Variants in FAM227B observed in about 807,000 individuals in gnomAD.
FAM227B encodes the protein family with sequence similarity 227 member B, also known as protein FAM227B.
In FAM227B, 88 loss-of-function variants were observed where a neutral mutation model predicts 73.8. That is an observed-to-expected ratio of 1.19 (90% CI 1.00 to 1.42). FAM227B has a LOEUF of 1.42. Among genes scored for constraint, FAM227B ranks in the 40% most tolerant of loss-of-function variants. The pLI is 0.00. For synonymous variants in FAM227B, 210 were observed against 190.5 expected (o/e 1.10, Z -0.84); for missense variants, 632 against 590.9 (o/e 1.07, Z -0.72).
chr15:49,476,217 G>T (rs55680283), intron 11 of FAM227B, among the ~76,000 whole-genome samples: 13,771 of 93,562 alleles, frequency 0.15, 1,639 homozygotes, highest in Non-Finnish European at 0.22. Context: ...TTGCTGTTTT[G>T]TTTTTTTGTT....
At chr15:49,369,402 T>C (rs1047887948) in intron 12 of FAM227B, among the ~76,000 whole-genome samples, 3 of 152,156 alleles carry the variant, frequency 2.0e-5, no homozygotes, top group African/African-American at 7.2e-5. Flanking sequence ...GTCAGAGCAC[T>C]TTAAGATTCC....
chr15:49,376,929 A>G (rs1359867888), intron 11 of FAM227B, among the ~76,000 whole-genome samples: 2 of 152,022 alleles, frequency 1.3e-5, no homozygotes, highest in African/African-American at 4.8e-5. Flanking sequence ...ATTATTGACT[A>G]TAGTCACCCT....
At chr15:49,427,177 T>A (rs1216869058) in intron 11 of FAM227B, among the ~76,000 whole-genome samples, 2 of 152,028 alleles carry the variant, frequency 1.3e-5, no homozygotes, top group Admixed American at 1.3e-4. Flanking sequence ...TTGACACATG[T>A]GAAGTTGAAG....
chr15:49,422,185 C>CAA (rs2049738633), intron 11 of FAM227B, among the ~76,000 whole-genome samples: 1 of 144,668 alleles, frequency 6.9e-6, no homozygotes, highest in Non-Finnish European at 1.5e-5. Flanking sequence ...CGCGTGCACG[C>CAA]GTGTGTGTTT....
At chr15:49,417,853 G>A (rs1183315135) in intron 11 of FAM227B, among the ~76,000 whole-genome samples, 1 of 152,138 alleles carries the variant, frequency 6.6e-6, no homozygotes, top group Non-Finnish European at 1.5e-5. Context: ...CTCCTGCACA[G>A]CAAAGGAAAT....
chr15:49,588,022 C>CT lies in FAM227B; in HGVS notation c.398dup (p.Ile134AspfsTer6), dbSNP rs745700824. On this transcript the variant is annotated frameshift_variant, in exon 5 of 16. Coordinates refer to ENST00000299338, the MANE Select transcript of FAM227B (RefSeq NM_152647.3). LOFTEE classifies it high-confidence loss of function. ...AAAAACATAGATACCATACCATTATCTTTTTTTTCTTATGGTACTTCTTTA... is the reference window on the plus strand; with the variant it reads ...AAAAACATAGATACCATACCATTATCTTTTTTTTTCTTATGGTACTTCTTTA... 6.5e-5 allele frequency: 94 copies of CT among 1,449,648 alleles called. No individual in the cohort carries two copies. The highest frequency in any genetic ancestry group is 3.5e-4 in the South Asian group (25 of 70,790). 89.8% of individuals were successfully genotyped at this position (1,449,648 alleles called of 1,614,324 possible). A position where few individuals can be genotyped will look rare whatever the true frequency, so the allele number is the denominator to read the frequency against.
At chr15:49,329,237 A>G in intron 15 of FAM227B, 1 of 985,772 alleles carries the variant, frequency 1.0e-6, no homozygotes, top group Non-Finnish European at 1.2e-6. Context: ...GTATCTCTGT[A>G]TGTATATCAA....
rs187990857 is a variant in FAM227B at position 49,568,996 on chromosome 15, C to A, written c.646-650G>T. On this transcript the variant is annotated intron_variant, in intron 8 of 15. Transcript: ENST00000299338. ...AAATGTTGGTAGAATTCCCCAGTGA[C>A]GCCATCTGGTACAGGGCTTTTCTTT... Among the ~76,000 whole-genome samples, 66 of 151,980 alleles carry A rather than the reference C, an allele frequency of 4.3e-4. 2 individuals are homozygous for A. In the East Asian group the frequency reaches 0.012, roughly 28 times the overall value.
intron 3 of FAM227B, among the ~76,000 whole-genome samples, chr15:49,593,266 C>T (rs893527435): frequency 5.9e-5 from 9 of 152,136 alleles, no homozygotes; most frequent in Non-Finnish European, 1.3e-4. Context: ...GTCTTCTGCA[C>T]CAATCACACA....
chr15:49,460,702 A>G (rs1005687749), intron 11 of FAM227B, among the ~76,000 whole-genome samples: 1 of 152,196 alleles, frequency 6.6e-6, no homozygotes, highest in African/African-American at 2.4e-5. Flanking sequence ...AGTCATGTAT[A>G]TAATAATTAA....
At chr15:49,370,118 C>T (rs1407295979) in intron 12 of FAM227B, among the ~76,000 whole-genome samples, 1 of 152,150 alleles carries the variant, frequency 6.6e-6, no homozygotes, top group Non-Finnish European at 1.5e-5. Context: ...TCCCATACTC[C>T]AGAACTATGA....
intron 11 of FAM227B, among the ~76,000 whole-genome samples, chr15:49,414,476 T>C (rs1413372144): frequency 1.3e-5 from 2 of 152,114 alleles, no homozygotes; most frequent in South Asian, 2.1e-4. Context: ...TTGAGGATCA[T>C]AGAGGGCATT....
rs532240404 is a variant in FAM227B, at chr15:49,396,661, G to C, written c.1013-25262C>G. The stretch of plus-strand genomic sequence containing the variant: ...CCAGCTGGAGATCTGAGAACGGGCA[G>C]ACTGCCTCCTCAAGTGGGTCCCTGA... On this transcript the variant is annotated intron_variant, in intron 11 of 15. Transcript: ENST00000299338. Among the ~76,000 whole-genome samples, 3 of 151,996 alleles carry C rather than the reference G, an allele frequency of 2.0e-5. No individual in the cohort carries two copies. The East Asian group carries it at 5.8e-4, about 29-fold the overall frequency.
At chr15:49,490,029 G>A (rs938511753) in intron 11 of FAM227B, among the ~76,000 whole-genome samples, 1 of 149,624 alleles carries the variant, frequency 6.7e-6, no homozygotes, top group Non-Finnish European at 1.5e-5. Context: ...TTCCCCAGAA[G>A]ATTCTAATGT....
intron 11 of FAM227B, among the ~76,000 whole-genome samples, chr15:49,468,935 G>C (rs1297841035): frequency 6.6e-6 from 1 of 152,154 alleles, no homozygotes; most frequent in Non-Finnish European, 1.5e-5. Context: ...TTTTGAAAAA[G>C]TCAATTTTGA....
intron 1 of FAM227B, among the ~76,000 whole-genome samples, chr15:49,619,977 G>A (rs1035689037): frequency 1.1e-4 from 16 of 152,114 alleles, no homozygotes; most frequent in African/African-American, 3.9e-4. Context: ...TTACTTACAT[G>A]CGCTGATATT....
chr15:49,493,757 A>G (rs531550677), intron 11 of FAM227B, among the ~76,000 whole-genome samples: 6 of 151,970 alleles, frequency 3.9e-5, no homozygotes, highest in Non-Finnish European at 4.4e-5. Context: ...CTATCTATCC[A>G]TCCACCTACA....
intron 11 of FAM227B, chr15:49,424,736 G>A: frequency 3.6e-6 from 2 of 562,330 alleles, no homozygotes; most frequent in Non-Finnish European, 5.9e-6. Context: ...GTTGAACTAT[G>A]CCCCTAAAAA....
rs139124936 is a variant in FAM227B at position 49,362,028 on chromosome 15, G to A, written c.1271+5420C>T. Among the ~76,000 whole-genome samples the A allele has an allele frequency of 2.0e-5, 3 of 152,220 alleles. No homozygotes were observed. In the East Asian group the frequency reaches 5.8e-4, roughly 29 times the overall value. ...TGAGCATTTTTTCATATGCTTGTGGGTTACGTGTATGTCTTCTTTTGAAAT... is the reference window on the plus strand; with the variant it reads ...TGAGCATTTTTTCATATGCTTGTGGATTACGTGTATGTCTTCTTTTGAAAT... On this transcript the variant is annotated intron_variant, in intron 13 of 15. Coordinates refer to ENST00000299338, the MANE Select transcript of FAM227B (RefSeq NM_152647.3).
Sources: gnomAD v4.1 joint callset for allele counts (sites outside exome capture counted in the v4.1 genomes callset) on GRCh38, gnomAD v4.1.1 for gene constraint, MANE v1.5 for transcripts, NCBI Gene and HGNC (gene_info 2026-07-23, HGNC 2026-07-21) for gene names.